The following CDC45 variants were observed in gnomAD, a reference collection of about 807,000 sequenced individuals.
CDC45 encodes the protein cell division control protein 45 homolog.
In CDC45, 54 loss-of-function variants were observed where a neutral mutation model predicts 77.8. The observed-to-expected ratio is 0.69, with a 90% CI of 0.56 to 0.87. The LOEUF (loss-of-function observed/expected upper bound fraction) is 0.87. CDC45 is among the 40% of genes least tolerant of loss of function. CDC45 has a pLI of 0.00. For missense variants in CDC45, 649 were observed against 721.6 expected (o/e 0.90, Z 1.15); for synonymous variants, 260 against 272.1 (o/e 0.96, Z 0.44).
At position 19,480,164 on chromosome 22, in the gene CDC45, C is replaced by T. The variant is rs777563505; in HGVS notation, c.58C>T (p.Leu20Phe). 2.1e-5 allele frequency: 34 copies of T among 1,613,934 alleles called. No homozygotes were observed. Among genetic ancestry groups the T allele is most frequent in the Non-Finnish European group, 2.9e-5 (34 of 1,179,950 alleles). ...GTCTGCTCTTCCCCGATAGAGGGTC[C>T]TTCTCTTCGTGGCCTCGGACGTGGA... is the stretch of plus-strand genomic sequence containing the variant. ...FYEVVQSQRV[L>F]LFVASDVDAL... is the part of the protein sequence containing the mutation. Residue 20 changes from leucine to phenylalanine, a missense_variant, in exon 2 of 19, where the codon CTT (leucine) becomes TTT (phenylalanine). Physicochemically the swap from Leu to Phe is conservative, Grantham distance 22 (BLOSUM62 0). Coordinates refer to ENST00000263201, the MANE Select transcript of CDC45 (RefSeq NM_003504.5).
At chr22:19,506,608 G>T (rs1469681288) in intron 10 of CDC45, among the ~76,000 whole-genome samples, 1 of 152,178 alleles carries the variant, frequency 6.6e-6, no homozygotes, top group Non-Finnish European at 1.5e-5. Flanking sequence ...CTGCGCTCAC[G>T]GTGCCAGGGG....
chr22:19,505,574 C>T, intron 10 of CDC45, 93 bp downstream of exon 10: 4 of 1,414,882 alleles, frequency 2.8e-6, no homozygotes, highest in Non-Finnish European at 3.9e-6. Flanking sequence ...CTGGCCACAT[C>T]CCCAGGAGGG....
intron 2 of CDC45, 26 bp downstream of exon 2, chr22:19,480,243 C>A: frequency 6.2e-7 from 1 of 1,608,808 alleles, no homozygotes. Context: ...CCTAGGAGGG[C>A]GGGGCCGGCG....
At chr22:19,508,284 G>A (rs1933318414) in intron 12 of CDC45, among the ~76,000 whole-genome samples, 1 of 152,316 alleles carries the variant, frequency 6.6e-6, no homozygotes. Flanking sequence ...ATGCTAAGGT[G>A]TGAGAGAGGA....
chr22:19,518,883 A>T lies in CDC45; in HGVS notation c.1676A>T (p.Asp559Val). 6.2e-7 allele frequency: 1 copy of T among 1,614,028 alleles called. No homozygotes were observed. The change falls in exon 18 of 19, where the codon GAC becomes GTC. Residue 559 changes from aspartate (D) to valine (V), a missense_variant. Physicochemically the swap from Asp to Val is radical, Grantham distance 152. Coordinates refer to ENST00000263201, the MANE Select transcript of CDC45 (RefSeq NM_003504.5). The part of the protein sequence containing the change: ...LKAEDRSKFL[D>V]ALISLLS ...GCTGAGGATCGGAGCAAGTTTCTGG[A>T]CGCACTTATTTCCCTCCTGTCCTAG... is the stretch of plus-strand genomic sequence containing the variant.
At chr22:19,489,918 C>T (rs1362281858) in intron 5 of CDC45, among the ~76,000 whole-genome samples, 4 of 152,190 alleles carry the variant, frequency 2.6e-5, no homozygotes, top group Non-Finnish European at 4.4e-5. Flanking sequence ...TTTGTTTCTC[C>T]TTCCAGTTCT....
intron 17 of CDC45, among the ~76,000 whole-genome samples, 182 bp from the exon 18 acceptor site, chr22:19,518,662 C>A (rs887482576): frequency 2.0e-5 from 3 of 152,150 alleles, no homozygotes; most frequent in African/African-American, 7.2e-5. Flanking sequence ...GCAGTGCAGA[C>A]AGCAGTTGTG....
chr22:19,519,543 C>T (rs1355407966), intron 18 of CDC45, among the ~76,000 whole-genome samples: 1 of 152,240 alleles, frequency 6.6e-6, no homozygotes, highest in Non-Finnish European at 1.5e-5. Context: ...AACCATCTCT[C>T]AGCCCAGGTT....
intron 9 of CDC45, among the ~76,000 whole-genome samples, chr22:19,499,545 G>A (rs1281669570): frequency 6.6e-6 from 1 of 152,144 alleles, no homozygotes; most frequent in Non-Finnish European, 1.5e-5. Flanking sequence ...AGGACCCTGA[G>A]TATCTTGCCA....
At chr22:19,482,609 C>T (rs2090000555) in intron 3 of CDC45, 81 bp from the exon 4 acceptor site, 3 of 1,454,256 alleles carry the variant, frequency 2.1e-6, no homozygotes, top group Admixed American at 1.8e-5. Context: ...TGAGTTTAAG[C>T]AGAACAACTC....
chr22:19,479,995 G>T lies in CDC45; in HGVS notation c.27G>T (p.Glu9Asp), dbSNP rs781002768. The T allele has an allele frequency of 6.2e-7, 1 of 1,613,922 alleles. No individual in the cohort carries two copies. Among genetic ancestry groups the T allele is most frequent in the African/African-American group, 1.3e-5 (1 of 75,050 alleles). The change falls in exon 1 of 19, where the codon GAG (glutamate) becomes GAT (aspartate). Residue 9 changes from glutamate (E) to aspartate (D), a missense_variant. Transcript: ENST00000263201. ...TGTTCGTGTCCGATTTCCGCAAAGA[G>T]TTCTACGAGGTGGTCCAGAGCCAGG... is the stretch of plus-strand genomic sequence containing the variant. The part of the protein sequence containing the change: MFVSDFRK[E>D]FYEVVQSQRV...
At chr22:19,516,667 T>C in intron 16 of CDC45, 22 bp downstream of exon 16, 6 of 1,595,534 alleles carry the variant, frequency 3.8e-6, no homozygotes, top group Non-Finnish European at 4.3e-6. Context: ...CCACTCGTCC[T>C]GGGACTGGAG....
At chr22:19,480,102 A>AG in intron 1 of CDC45, 56 bp from the exon 2 acceptor site, 1 of 1,609,970 alleles carries the variant, frequency 6.2e-7, no homozygotes, top group Non-Finnish European at 8.5e-7. Context: ...ACCGGGAGGC[A>AG]GGGGAGGGCC....
intron 5 of CDC45, among the ~76,000 whole-genome samples, chr22:19,492,122 T>C (rs184670954): frequency 6.6e-6 from 1 of 152,280 alleles, no homozygotes; most frequent in Non-Finnish European, 1.5e-5. Context: ...TTTATGTCTT[T>C]TGCCAAATTT....
intron 9 of CDC45, among the ~76,000 whole-genome samples, chr22:19,500,244 C>G (rs2090316506): frequency 6.6e-6 from 1 of 152,180 alleles, no homozygotes; most frequent in Admixed American, 6.5e-5. Flanking sequence ...CCTTTGGAAC[C>G]TAGAGTGGGG....
At chr22:19,481,178 C>A in intron 3 of CDC45, 133 bp downstream of exon 3, 1 of 588,706 alleles carries the variant, frequency 1.7e-6, no homozygotes, top group Non-Finnish European at 3.0e-6. Context: ...AAGAGAAAAA[C>A]ATGCTGTATT....
At chr22:19,516,321 G>A (rs1355500509) in intron 15 of CDC45, 4 of 601,470 alleles carry the variant, frequency 6.7e-6, no homozygotes, top group Admixed American at 2.9e-5. Flanking sequence ...GAGGGCAGGT[G>A]TTTGGAGAGC....
chr22:19,497,823 G>C (rs1272339996), intron 8 of CDC45, among the ~76,000 whole-genome samples: 1 of 152,098 alleles, frequency 6.6e-6, no homozygotes, highest in Non-Finnish European at 1.5e-5. Context: ...AGTACTTTGG[G>C]AGGCCGAGAC....
intron 3 of CDC45, among the ~76,000 whole-genome samples, chr22:19,481,988 C>T (rs2089990949): frequency 6.6e-6 from 1 of 152,152 alleles, no homozygotes; most frequent in African/African-American, 2.4e-5. Flanking sequence ...TATGTTATTT[C>T]TCTGAGAAAA....
Sources: gnomAD v4.1 joint callset for allele counts (sites outside exome capture counted in the v4.1 genomes callset) on GRCh38, gnomAD v4.1.1 for gene constraint, MANE v1.5 for transcripts, NCBI Gene and HGNC (gene_info 2026-07-23, HGNC 2026-07-21) for gene names.